Variants in PCDHA11 observed in about 807,000 individuals in gnomAD.
PCDHA11 encodes the protein protocadherin alpha-11.
In PCDHA11, 61 loss-of-function variants were observed where a neutral mutation model predicts 70.3. That is an observed-to-expected ratio of 0.87 (90% CI 0.71 to 1.07). The LOEUF is 1.07. Ranked by LOEUF, PCDHA11 falls within the 50% of genes least tolerant of loss-of-function variation. PCDHA11 has a pLI of 0.00. For synonymous variants in PCDHA11, 633 were observed against 555.1 expected, an observed-to-expected ratio of 1.14 and a Z score of -1.97; for missense variants, 1,324 against 1,237.5, an observed-to-expected ratio of 1.07 and a Z score of -1.05.
chr5:140,947,586 A>G (rs958279437), intron 1 of PCDHA11, among the ~76,000 whole-genome samples: 1 of 151,670 alleles, frequency 6.6e-6, no homozygotes, highest in Non-Finnish European at 1.5e-5. Context: ...TAACATTTAG[A>G]TCAATTTAGG....
At position 140,883,249 on chromosome 5, in the gene PCDHA11, T is replaced by A. The variant is rs145815075; in HGVS notation, c.2391+11755T>A. On this transcript the variant is annotated intron_variant, in intron 1 of 3. Transcript: ENST00000398640. ...CCGTGGAGGCAGTTGACAAAGGAAA[T>A]ATTCCAATGGCGGGTCATTGTACCC... The A allele has an allele frequency of 5.1e-4, 830 of 1,613,870 alleles. 7 individuals carry two copies. In the African/African-American group the frequency reaches 9.0e-3, roughly 18 times the overall value.
At chr5:141,001,097 T>TC (rs1554257999) in intron 3 of PCDHA11, among the ~76,000 whole-genome samples, 1 of 152,114 alleles carries the variant, frequency 6.6e-6, no homozygotes, top group Non-Finnish European at 1.5e-5. Flanking sequence ...AACTGTCTAA[T>TC]CCATAATAAG....
chr5:140,907,812 C>T (rs888159954), intron 1 of PCDHA11, among the ~76,000 whole-genome samples: 17 of 152,192 alleles, frequency 1.1e-4, no homozygotes, highest in Admixed American at 2.6e-4. Flanking sequence ...GTCCACAGAA[C>T]GAGTCATCCT....
At chr5:140,878,545 A>G (rs1554170455) in intron 1 of PCDHA11, among the ~76,000 whole-genome samples, 1 of 152,228 alleles carries the variant, frequency 6.6e-6, no homozygotes, top group African/African-American at 2.4e-5. Context: ...AACCAGTTTC[A>G]GATGATCCCA....
intron 1 of PCDHA11, among the ~76,000 whole-genome samples, chr5:140,909,351 T>C (rs2153508982): frequency 6.6e-6 from 1 of 152,238 alleles, no homozygotes; most frequent in African/African-American, 2.4e-5. Context: ...TACCAAGAGA[T>C]GTGTTAATTT....
chr5:140,967,725 T>C lies in PCDHA11; in HGVS notation c.2392-11224T>C, dbSNP rs782758957. 16 of 1,613,798 alleles carry C rather than the reference T, an allele frequency of 9.9e-6. No individual in the cohort carries two copies. The East Asian group carries it at 2.0e-4, about 20-fold the overall frequency. On this transcript the variant is annotated intron_variant, in intron 1 of 3. Transcript: ENST00000398640. ...GCCAGTACCGGGGAAGTGCGAGTAA[T>C]TGGGGGGCTGGATTATGAGGAAGCC...
Position 141,009,983 on chromosome 5 carries a change from G to A in PCDHA11, c.*46G>A, listed in dbSNP as rs1554262629. The A allele has an allele frequency of 1.9e-6, 3 of 1,581,862 alleles. No homozygotes were observed. Among genetic ancestry groups the A allele is most frequent in the Non-Finnish European group, 2.6e-6 (3 of 1,167,526 alleles). On this transcript the variant is annotated 3_prime_UTR_variant, in exon 4 of 4. Coordinates refer to ENST00000398640, the MANE Select transcript of PCDHA11 (RefSeq NM_018902.5). ...CCACTTAGCCAGTTTTTGTAATAAT[G>A]GCAAATCTCTCCCATGTAGCAATTC...
Position 140,870,147 on chromosome 5 carries a change from A to G in PCDHA11, c.1044A>G (p.Glu348=), listed in dbSNP as rs1554163846. Reference sequence around the variant, plus strand: ...TGGACACCAACGATAACTCTCCTGAAGTCGCCGTGACTTCCTTGTCCCTCC... The same window carrying G: ...TGGACACCAACGATAACTCTCCTGAGGTCGCCGTGACTTCCTTGTCCCTCC... ...EILDTNDNSP[E]VAVTSLSLPV... is the part of the protein sequence containing the mutation. Residue 348 remains glutamate (E), a synonymous_variant, in exon 1 of 4, where the codon GAA becomes GAG. Coordinates refer to ENST00000398640, the MANE Select transcript of PCDHA11 (RefSeq NM_018902.5). 2 of 1,614,086 alleles carry G rather than the reference A, an allele frequency of 1.2e-6. No individual in the cohort carries two copies. The highest frequency in any genetic ancestry group is 1.7e-6 in the Non-Finnish European group (2 of 1,180,002).
chr5:140,963,109 T>G (rs1490746394), intron 1 of PCDHA11, among the ~76,000 whole-genome samples: 1 of 152,128 alleles, frequency 6.6e-6, no homozygotes, highest in Non-Finnish European at 1.5e-5. Context: ...TCAGGTTGCT[T>G]ATAATTAAAG....
chr5:140,941,248 T>TTTCTTTCC (rs1563187616), intron 1 of PCDHA11, among the ~76,000 whole-genome samples: 1 of 141,492 alleles, frequency 7.1e-6, no homozygotes, highest in African/African-American at 2.6e-5. Context: ...TCTTTCTTTC[T>TTTCTTTCC]TTCTTTCTCT....
At chr5:140,926,789 G>A in intron 1 of PCDHA11, 1 of 1,432,318 alleles carries the variant, frequency 7.0e-7, no homozygotes, top group East Asian at 2.5e-5. Flanking sequence ...CGGCCGGCAG[G>A]AGCGTGCTCT....
intron 1 of PCDHA11, among the ~76,000 whole-genome samples, chr5:140,912,304 C>T (rs904729298): frequency 6.6e-6 from 1 of 151,998 alleles, no homozygotes; most frequent in Admixed American, 6.6e-5. Flanking sequence ...TCCTGTAATC[C>T]AGTCAAGTTG....
At position 140,869,361 on chromosome 5, in the gene PCDHA11, G is replaced by T; in HGVS notation, c.258G>T (p.Val86=). The T allele has an allele frequency of 6.2e-7, 1 of 1,614,146 alleles. No individual in the cohort carries two copies. The highest frequency in any genetic ancestry group is 8.5e-7 in the Non-Finnish European group (1 of 1,180,046). The change falls in exon 1 of 4, where the codon GTG becomes GTT. Residue 86 remains valine (V), a synonymous_variant. Transcript: ENST00000398640. ...EVNLQNGILF[V]NSRIDREELC... is the part of the protein sequence containing the mutation. The stretch of plus-strand genomic sequence containing the variant: ...ATCTGCAGAATGGCATTTTGTTTGT[G>T]AATTCTCGGATCGACCGCGAGGAGC...
chr5:140,936,151 C>T (rs947807537), intron 1 of PCDHA11, among the ~76,000 whole-genome samples: 66 of 152,246 alleles, frequency 4.3e-4, no homozygotes, highest in African/African-American at 1.5e-3. Context: ...CCTTGGCCTC[C>T]TAAAGTGCTG....
chr5:140,979,434 A>G (rs1490433887), intron 2 of PCDHA11, among the ~76,000 whole-genome samples: 1 of 151,986 alleles, frequency 6.6e-6, no homozygotes, highest in South Asian at 2.1e-4. Context: ...CACATTGGCT[A>G]TTACATCCTA....
chr5:140,891,612 T>C (rs182874243), intron 1 of PCDHA11, among the ~76,000 whole-genome samples: 2 of 152,350 alleles, frequency 1.3e-5, no homozygotes, highest in Admixed American at 1.3e-4. Context: ...TTCTACCTTT[T>C]ATTTTAACAC....
Position 140,870,545 on chromosome 5 carries a change from C to T in PCDHA11, c.1442C>T (p.Ala481Val), listed in dbSNP as rs1029944968. The T allele has an allele frequency of 1.2e-6, 2 of 1,614,108 alleles. No individual in the cohort carries two copies. Among genetic ancestry groups the T allele is most frequent in the Admixed American group, 1.7e-5 (1 of 60,034 alleles). Residue 481 changes from alanine to valine, a missense_variant, in exon 1 of 4, where the codon GCG becomes GTG. Physicochemically the swap from Ala to Val is moderately conservative, Grantham distance 64. Coordinates refer to ENST00000398640, the MANE Select transcript of PCDHA11 (RefSeq NM_018902.5). ...CHIFTVSARD[A>V]DAQENALVSY... The stretch of plus-strand genomic sequence containing the variant: ...ATCTTCACAGTGTCGGCGCGGGACG[C>T]GGACGCGCAGGAGAACGCGCTGGTG...
chr5:140,913,410 C>T (rs375204256), intron 1 of PCDHA11, among the ~76,000 whole-genome samples: 6 of 152,040 alleles, frequency 3.9e-5, no homozygotes, highest in African/African-American at 1.4e-4. Context: ...CCTTTGAATT[C>T]CTGCAGTATC....
At chr5:140,963,594 C>G (rs549697848) in intron 1 of PCDHA11, among the ~76,000 whole-genome samples, 1 of 152,258 alleles carries the variant, frequency 6.6e-6, no homozygotes, top group South Asian at 2.1e-4. Flanking sequence ...GGATATAGTT[C>G]TAGACGTAAT....
Sources: gnomAD v4.1 joint callset for allele counts (sites outside exome capture counted in the v4.1 genomes callset) on GRCh38, gnomAD v4.1.1 for gene constraint, MANE v1.5 for transcripts, NCBI Gene and HGNC (gene_info 2026-07-23, HGNC 2026-07-21) for gene names.